The following ZFHX3 variants were observed in gnomAD, a reference collection of about 807,000 sequenced individuals.
ZFHX3 encodes zinc finger homeobox protein 3.
Under a neutral mutation model 279.1 loss-of-function variants are expected in ZFHX3, and 42 were observed. The ratio of observed to expected loss-of-function variants is 0.15; its 90% CI spans 0.12 to 0.19. The LOEUF (loss-of-function observed/expected upper bound fraction) is 0.19, where lower values mean the gene tolerates loss of function less well. Among genes scored for constraint, ZFHX3 ranks in the 10% least tolerant of loss-of-function variants. The pLI is 1.00. For synonymous variants in ZFHX3, 2,293 were observed against 1,957.8 expected, an observed-to-expected ratio of 1.17 and a Z score of -4.52; for missense variants, 4,981 against 4,754.0, an observed-to-expected ratio of 1.05 and a Z score of -1.40.
upstream of ZFHX3, among the ~76,000 whole-genome samples, chr16:73,049,473 G>A (rs993674411): frequency 3.9e-5 from 6 of 152,224 alleles, no homozygotes; most frequent in Admixed American, 1.3e-4. Flanking sequence ...TCACATCCCC[G>A]TATAGAAGGC....
Position 73,276,177 on chromosome 16 carries a change from C to CTTT in ZFHX3, c.-1193-19044_-1193-19042dup, listed in dbSNP as rs529830146. ...GTATTTCTTTTCTTCCTTTTTCTTT[C>CTTT]TTTTTTTTTTTTTTTTCTTTTCTGA... is the stretch of plus-strand genomic sequence containing the variant. On this transcript the variant is annotated intron_variant, in intron 4 of 17. Transcript: ENST00000641206. Among the ~76,000 whole-genome samples the CTTT allele has an allele frequency of 6.7e-5, 9 of 135,070 alleles. 1 individual carries two copies. The highest frequency in any genetic ancestry group is 2.3e-4 in the Admixed American group (3 of 13,286). 88.6% of individuals were successfully genotyped at this position (135,070 alleles called of 152,430 possible). A position where few individuals can be genotyped will look rare whatever the true frequency, so the allele number is the denominator to read the frequency against.
At chr16:73,734,466 C>A (rs537170593) in intron 1 of ZFHX3, among the ~76,000 whole-genome samples, 1 of 152,066 alleles carries the variant, frequency 6.6e-6, no homozygotes, top group Admixed American at 6.5e-5. Flanking sequence ...TTTTGTATCA[C>A]AAAGAGTTTC....
At chr16:72,892,204 G>T (rs538867340) in intron 3 of ZFHX3, among the ~76,000 whole-genome samples, 7 of 152,336 alleles carry the variant, frequency 4.6e-5, no homozygotes, top group Admixed American at 1.3e-4. Context: ...AAACTCATGG[G>T]AGGGGGGTTG....
intron 3 of ZFHX3, among the ~76,000 whole-genome samples, chr16:72,944,328 T>C (rs576348980): frequency 3.9e-4 from 60 of 152,260 alleles, no homozygotes; most frequent in African/African-American, 1.3e-3. Context: ...CATGTGTCTA[T>C]AAAGATTTTT....
intron 5 of ZFHX3, among the ~76,000 whole-genome samples, chr16:73,214,747 G>A (rs2012140779): frequency 6.6e-6 from 1 of 151,178 alleles, no homozygotes; most frequent in Non-Finnish European, 1.5e-5. Flanking sequence ...TTCTTCAAAT[G>A]GAAATTTTCT....
chr16:73,197,809 T>C (rs1021610760), intron 5 of ZFHX3, among the ~76,000 whole-genome samples: 2 of 152,078 alleles, frequency 1.3e-5, no homozygotes, highest in Non-Finnish European at 2.9e-5. Context: ...TGCTTTTCAG[T>C]TTATGGTTAT....
At chr16:73,628,878 T>C (rs1224262017) in intron 2 of ZFHX3, among the ~76,000 whole-genome samples, 1 of 152,148 alleles carries the variant, frequency 6.6e-6, no homozygotes, top group Non-Finnish European at 1.5e-5. Flanking sequence ...ATCCAACCAC[T>C]GACTCCAGGG....
intron 2 of ZFHX3, among the ~76,000 whole-genome samples, chr16:73,515,068 T>C (rs1222534767): frequency 6.6e-6 from 1 of 152,242 alleles, no homozygotes; most frequent in Non-Finnish European, 1.5e-5. Context: ...TTACAAGGTA[T>C]GAATGCTCCT....
chr16:73,819,804 T>A (rs776251329), intron 1 of ZFHX3, among the ~76,000 whole-genome samples: 5 of 152,122 alleles, frequency 3.3e-5, no homozygotes, highest in African/African-American at 4.8e-5. Flanking sequence ...TATAACTTAG[T>A]CCAATGGACT....
chr16:72,950,329 C>T lies in ZFHX3; in HGVS notation c.3216+140G>A, dbSNP rs1004191432. 5 of 1,341,832 alleles carry T rather than the reference C, an allele frequency of 3.7e-6. No individual in the cohort carries two copies. In the East Asian group the frequency reaches 1.2e-4, roughly 32 times the overall value. The allele number at this position is 1,341,832 out of a possible 1,614,324, so 83.1% of individuals were successfully genotyped here. A position where few individuals can be genotyped will look rare whatever the true frequency, so the allele number is the denominator to read the frequency against. On this transcript the variant is annotated intron_variant, in intron 3 of 9. Coordinates refer to ENST00000268489, the MANE Select transcript of ZFHX3 (RefSeq NM_006885.4). ...CAAAGTGGACACCGCCGACTCTCCT[C>T]TCAACTCCAGGTTCCCAACCAACAG...
intron 1 of ZFHX3, among the ~76,000 whole-genome samples, chr16:73,729,062 G>C (rs763297411): frequency 6.6e-6 from 1 of 152,142 alleles, no homozygotes; most frequent in Non-Finnish European, 1.5e-5. Context: ...TAAGGGTCAG[G>C]ACATAGAGAT....
chr16:73,279,628 G>C (rs554021975), intron 4 of ZFHX3, among the ~76,000 whole-genome samples: 43 of 152,204 alleles, frequency 2.8e-4, no homozygotes, highest in African/African-American at 1.0e-3. Flanking sequence ...CGTTCATGTG[G>C]TTTTGGATCT....
intron 1 of ZFHX3, among the ~76,000 whole-genome samples, chr16:72,990,558 T>C (rs1963043322): frequency 6.6e-6 from 1 of 152,172 alleles, no homozygotes; most frequent in African/African-American, 2.4e-5. Flanking sequence ...CTGAGCGATC[T>C]TAAAAGGGAT....
intron 5 of ZFHX3, among the ~76,000 whole-genome samples, chr16:73,178,477 C>A (rs1195493173): frequency 6.6e-6 from 1 of 152,060 alleles, no homozygotes; most frequent in Non-Finnish European, 1.5e-5. Context: ...GTGCCCCTAC[C>A]CCAAAGACTC....
chr16:73,210,425 TAAA>T lies in ZFHX3; in HGVS notation c.-1104+46619_-1104+46621del, dbSNP rs537799998. Among the ~76,000 whole-genome samples the T allele has an allele frequency of 2.0e-5, 3 of 151,922 alleles. No homozygotes were observed. In the East Asian group the frequency reaches 5.8e-4, roughly 29 times the overall value. On this transcript the variant is annotated intron_variant, in intron 5 of 17. Transcript: ENST00000641206. ...AAAATATAAATATATATTTTGGGGGTAAAAAAAATCCATTAAATTTTTTGATTG... is the reference window on the plus strand; with the variant it reads ...AAAATATAAATATATATTTTGGGGGTAAAAATCCATTAAATTTTTTGATTG...
intron 4 of ZFHX3, among the ~76,000 whole-genome samples, chr16:72,878,548 G>A (rs1176113920): frequency 1.3e-5 from 2 of 152,248 alleles, no homozygotes; most frequent in African/African-American, 4.8e-5. Flanking sequence ...CGAGGCACGC[G>A]CTCTGGAGTG....
chr16:72,951,635 A>G (rs1045437378), intron 2 of ZFHX3, among the ~76,000 whole-genome samples: 4 of 152,230 alleles, frequency 2.6e-5, no homozygotes, highest in African/African-American at 9.6e-5. Flanking sequence ...TTCACTGGAT[A>G]TAACAGAATC....
chr16:73,463,655 T>G (rs1401128655), intron 2 of ZFHX3, among the ~76,000 whole-genome samples: 1 of 152,082 alleles, frequency 6.6e-6, no homozygotes, highest in East Asian at 1.9e-4. Context: ...TCCTATCACC[T>G]TTTATACTAT....
intron 4 of ZFHX3, among the ~76,000 whole-genome samples, chr16:72,876,869 GCCAACATCCTTCC>G (rs1431000910): frequency 6.6e-6 from 1 of 152,110 alleles, no homozygotes; most frequent in Non-Finnish European, 1.5e-5. Context: ...TATGATATAT[GCCAACATCCTTCC>G]CTCTGGGGGT....
Sources: gnomAD v4.1 joint callset for allele counts (sites outside exome capture counted in the v4.1 genomes callset) on GRCh38, gnomAD v4.1.1 for gene constraint, MANE v1.5 for transcripts, NCBI Gene and HGNC (gene_info 2026-07-23, HGNC 2026-07-21) for gene names.